PLA2G6: variants seen among roughly 807,000 people sequenced by gnomAD.
The protein encoded by PLA2G6 is phospholipase A2 group VI.
Under a neutral mutation model 83.8 loss-of-function variants are expected in PLA2G6, and 62 were observed. The ratio of observed to expected loss-of-function variants is 0.74; its 90% CI spans 0.60 to 0.91. The LOEUF (loss-of-function observed/expected upper bound fraction) is 0.91, where lower values mean the gene tolerates loss of function less well. Among genes scored for constraint, PLA2G6 ranks in the 40% least tolerant of loss-of-function variants. The pLI, the probability that PLA2G6 is intolerant of heterozygous loss-of-function variation, is 0.00. For synonymous variants in PLA2G6, 417 were observed against 449.8 expected (o/e 0.93, Z 0.92); for missense variants, 944 against 1,102.0 (o/e 0.86, Z 2.03).
At chr22:38,176,302 G>C (rs1406285292) in intron 1 of PLA2G6, among the ~76,000 whole-genome samples, 7 of 152,124 alleles carry the variant, frequency 4.6e-5, no homozygotes, top group African/African-American at 1.7e-4. Flanking sequence ...CAGAGGAGCC[G>C]GACAGCTGCC....
At chr22:38,117,930 G>A (rs1037669095) in intron 12 of PLA2G6, among the ~76,000 whole-genome samples, 28 of 151,848 alleles carry the variant, frequency 1.8e-4, no homozygotes, top group African/African-American at 6.1e-4. Flanking sequence ...CAGCTACTCC[G>A]GAGGCTGAGG....
intron 1 of PLA2G6, among the ~76,000 whole-genome samples, chr22:38,171,222 C>G (rs2090428663): frequency 6.6e-6 from 1 of 151,904 alleles, no homozygotes; most frequent in Non-Finnish European, 1.5e-5. Context: ...TTCGCAGTGT[C>G]CCATTACAAG....
intron 1 of PLA2G6, among the ~76,000 whole-genome samples, 165 bp from the exon 2 acceptor site, chr22:38,169,636 C>G (rs905126552): frequency 4.6e-5 from 7 of 152,204 alleles, no homozygotes; most frequent in African/African-American, 1.7e-4. Context: ...AGAGAAACAA[C>G]ACTGAGTGGG....
At chr22:38,149,417 T>G (rs537784749) in intron 2 of PLA2G6, 2 of 152,000 alleles carry the variant, frequency 1.3e-5, no homozygotes, top group East Asian at 3.9e-4. Flanking sequence ...CAAAAAAGCA[T>G]CAAATGGAAA....
chr22:38,134,012 T>C (rs1351040025), intron 6 of PLA2G6: 3 of 152,170 alleles, frequency 2.0e-5, no homozygotes, highest in Admixed American at 2.0e-4. Context: ...AAGGCAGACC[T>C]ACCCTTAATC....
Position 38,132,846 on chromosome 22 carries a change from C to G in PLA2G6, c.1062G>C (p.Leu354=), listed in dbSNP as rs1367576239. 6.5e-6 allele frequency: 10 copies of G among 1,548,624 alleles called. No homozygotes were observed. The African/African-American group carries it at 8.2e-5, about 13-fold the overall frequency. ...CTGGGCTCACCGACATGGCCAGGTG[C>G]AGCGGGGTGTTGCCGTGCTCTCCGC... ...DARGEHGNTP[L]HLAMSKDNVE... Residue 354 remains leucine, a synonymous_variant, in exon 7 of 17, where the codon CTG becomes CTC. Coordinates refer to ENST00000332509, the MANE Select transcript of PLA2G6 (RefSeq NM_003560.4). The surrounding 1 kb of genome is among the most constrained non-coding windows in gnomAD (Gnocchi z 5.0).
At chr22:38,163,393 T>C (rs1217427815) in intron 2 of PLA2G6, 1 of 169,204 alleles carries the variant, frequency 5.9e-6, no homozygotes, top group Non-Finnish European at 1.5e-5. Context: ...TGGATACATC[T>C]AGCCACTCGG....
chr22:38,153,038 G>A (rs2089634567), intron 2 of PLA2G6, among the ~76,000 whole-genome samples: 1 of 152,178 alleles, frequency 6.6e-6, no homozygotes, highest in Admixed American at 6.5e-5. Flanking sequence ...AAAGGAGGGT[G>A]AAGGAAATTT....
intron 1 of PLA2G6, among the ~76,000 whole-genome samples, chr22:38,172,706 G>T (rs569812715): frequency 2.2e-4 from 34 of 152,260 alleles, no homozygotes; most frequent in Non-Finnish European, 4.3e-4. Context: ...GCGGAGGGGT[G>T]CGCCCAGGAA....
chr22:38,165,720 T>C (rs1373639052), intron 2 of PLA2G6, among the ~76,000 whole-genome samples: 1 of 151,418 alleles, frequency 6.6e-6, no homozygotes, highest in Non-Finnish European at 1.5e-5. Context: ...CTACTAAAAA[T>C]ACAAAAAAAA....
Position 38,169,252 on chromosome 22 carries a change from G to GA in PLA2G6, c.174_175insT (p.Leu59SerfsTer21). ...CTCTGTGAGTTCCTGGGGTTGACCAGGACGCAGTCCCAGGTGCGGTTGGGA... is the reference window on the plus strand; with the variant it reads ...CTCTGTGAGTTCCTGGGGTTGACCAGAGACGCAGTCCCAGGTGCGGTTGGGA... On this transcript the variant is annotated frameshift_variant, in exon 2 of 17. Transcript: ENST00000332509. LOFTEE classifies it high-confidence loss of function. 6.2e-7 allele frequency: 1 copy of GA among 1,614,136 alleles called. No individual in the cohort carries two copies. The highest frequency in any genetic ancestry group is 8.5e-7 in the Non-Finnish European group (1 of 1,179,976).
At chr22:38,136,163 G>C (rs1360189142) in intron 5 of PLA2G6, 1 of 152,212 alleles carries the variant, frequency 6.6e-6, no homozygotes, top group African/African-American at 2.4e-5. Flanking sequence ...ATCGGGGGCT[G>C]TGGGGAGGGG....
chr22:38,150,100 C>T (rs755146329), intron 2 of PLA2G6: 1 of 151,462 alleles, frequency 6.6e-6, no homozygotes, highest in Non-Finnish European at 1.5e-5. Flanking sequence ...CAAGAAAGCC[C>T]CAGAAATCCA....
chr22:38,159,333 C>G (rs559349114), intron 2 of PLA2G6, among the ~76,000 whole-genome samples: 14 of 152,234 alleles, frequency 9.2e-5, no homozygotes, highest in Non-Finnish European at 1.8e-4. Context: ...ATCTCATAGT[C>G]CTATATTTGT....
chr22:38,132,757 G>A lies in PLA2G6; in HGVS notation c.1077+74C>T. 1 of 1,303,108 alleles carries A rather than the reference G, an allele frequency of 7.7e-7. No individual in the cohort carries two copies. The highest frequency in any genetic ancestry group is 1.1e-6 in the Non-Finnish European group (1 of 940,114). The allele number at this position is 1,303,108 out of a possible 1,614,324, so 80.7% of individuals were successfully genotyped here. On this transcript the variant is annotated intron_variant, in intron 7 of 16. Transcript: ENST00000332509. This position sits in a 1 kb window ranked among gnomAD's most constrained non-coding sequence, Gnocchi z 5.0. ...GATAGGAGGGAGACAGTGGGGAGGA[G>A]GGCTCCAGTCCGGACAGCCCTCCTG...
chr22:38,180,825 G>C (rs1242496618), intron 1 of PLA2G6, among the ~76,000 whole-genome samples: 1 of 152,162 alleles, frequency 6.6e-6, no homozygotes, highest in Non-Finnish European at 1.5e-5. Context: ...CTGAGACTTG[G>C]ACAGAAAACA....
chr22:38,130,006 G>C (rs996971540), intron 7 of PLA2G6, among the ~76,000 whole-genome samples: 1 of 152,144 alleles, frequency 6.6e-6, no homozygotes, highest in African/African-American at 2.4e-5. Flanking sequence ...AGGGGTAACC[G>C]AACACACGTG....
intron 2 of PLA2G6, 113 bp from the exon 3 acceptor site, chr22:38,145,766 C>A: frequency 4.7e-6 from 3 of 642,512 alleles, no homozygotes; most frequent in Non-Finnish European, 2.8e-6. Flanking sequence ...AGCTCCAGCC[C>A]GACTCCCCTC....
chr22:38,169,153 G>T, intron 2 of PLA2G6, 65 bp downstream of exon 2: 2 of 1,268,304 alleles, frequency 1.6e-6, no homozygotes, highest in Non-Finnish European at 2.3e-6. Flanking sequence ...CGGCCAATAA[G>T]ACCTCCAATC....
Sources: allele counts gnomAD v4.1 joint callset (sites outside exome capture counted in the v4.1 genomes callset), GRCh38; gene constraint gnomAD v4.1.1; non-coding constraint Gnocchi (gnomAD v3.1); transcripts MANE v1.5; gene names NCBI Gene and HGNC (gene_info 2026-07-23, HGNC 2026-07-21).